Variants in NKIRAS1 observed in about 807,000 individuals in gnomAD.
NKIRAS1 encodes NF-kappa-B inhibitor-interacting Ras-like protein 1.
A neutral mutation model predicts 19.8 loss-of-function variants in NKIRAS1; 16 were observed. The observed-to-expected ratio is 0.81, with a 90% CI of 0.55 to 1.23. The LOEUF (loss-of-function observed/expected upper bound fraction) is 1.23. Among genes scored for constraint, NKIRAS1 ranks in the 50% most tolerant of loss-of-function variants. The probability of loss-of-function intolerance (pLI) is 0.00; values close to 1 mark genes in which losing one functional copy is unlikely to be tolerated. For missense variants in NKIRAS1, 184 were observed against 220.0 expected (o/e 0.84, Z 1.04); for synonymous variants, 88 against 79.0 (o/e 1.11, Z -0.61).
intron 1 of NKIRAS1, among the ~76,000 whole-genome samples, chr3:23,912,406 A>G (rs572316589): frequency 5.9e-4 from 90 of 152,348 alleles, no homozygotes; most frequent in African/African-American, 2.1e-3. Flanking sequence ...TTCTCAAAAG[A>G]AGACATTTAT....
At chr3:23,902,433 G>A (rs1467676937) in intron 3 of NKIRAS1, among the ~76,000 whole-genome samples, 2 of 152,176 alleles carry the variant, frequency 1.3e-5, no homozygotes, top group Non-Finnish European at 2.9e-5. Flanking sequence ...ATCTGATTAT[G>A]TATATACCTG....
intron 1 of NKIRAS1, among the ~76,000 whole-genome samples, chr3:23,932,688 CAAAAAAA>C (rs5847261): frequency 1.4e-5 from 1 of 72,930 alleles, no homozygotes. Context: ...AATTCCGTCT[CAAAAAAA>C]AAAAAAAAAA....
At chr3:23,918,286 A>T (rs1185009875), upstream of NKIRAS1, 3 of 980,160 alleles carry the variant, frequency 3.1e-6, no homozygotes, top group African/African-American at 5.0e-5. Flanking sequence ...CCTAAGGTGC[A>T]TTGAAAAAGA....
At chr3:23,896,790 A>G (rs1702040090) in intron 4 of NKIRAS1, among the ~76,000 whole-genome samples, 1 of 151,812 alleles carries the variant, frequency 6.6e-6, no homozygotes, top group African/African-American at 2.4e-5. Flanking sequence ...CCTGAACAAC[A>G]TAACAACACC....
chr3:23,945,281 T>C, intron 1 of NKIRAS1: 1 of 153,964 alleles, frequency 6.5e-6, no homozygotes, highest in Non-Finnish European at 1.4e-5. Context: ...GCGGCTGCCC[T>C]CCCCGTCAGC....
intron 3 of NKIRAS1, among the ~76,000 whole-genome samples, chr3:23,902,605 A>G (rs973856339): frequency 6.6e-6 from 1 of 152,060 alleles, no homozygotes; most frequent in Non-Finnish European, 1.5e-5. Flanking sequence ...CGGTTAGCCC[A>G]CCTCCACCTG....
chr3:23,904,937 G>A (rs1224332174), intron 3 of NKIRAS1, among the ~76,000 whole-genome samples: 9 of 152,114 alleles, frequency 5.9e-5, no homozygotes, highest in African/African-American at 4.8e-5. Context: ...TCATGCAATA[G>A]AATGTTACAT....
intron 1 of NKIRAS1, among the ~76,000 whole-genome samples, chr3:23,944,960 G>T (rs1023199465): frequency 6.6e-6 from 1 of 152,072 alleles, no homozygotes; most frequent in Non-Finnish European, 1.5e-5. Flanking sequence ...CCAGGTTGGG[G>T]GGCAGGGCGT....
intron 1 of NKIRAS1, among the ~76,000 whole-genome samples, chr3:23,941,891 C>A (rs1705504759): frequency 6.6e-6 from 1 of 152,182 alleles, no homozygotes; most frequent in Non-Finnish European, 1.5e-5. Context: ...TTTGCAATGG[C>A]TATTTTTCAC....
Position 23,940,168 on chromosome 3 carries a change from CAAAAAAAA to C in NKIRAS1, c.-140+6147_-140+6154del, listed in dbSNP as rs1293108063. Reference sequence around the variant, plus strand: ...AACACAGGAAGACTCCCATCTCTACCAAAAAAAAAAAAAAAAAAAAAAAGAGAAATTAC... The same window carrying C: ...AACACAGGAAGACTCCCATCTCTACCAAAAAAAAAAAAAAAGAGAAATTAC... On this transcript the variant is annotated intron_variant, in intron 1 of 4. Coordinates refer to the NKIRAS1 transcript ENST00000421515. Among the ~76,000 whole-genome samples, 224 of 71,762 alleles carry C rather than the reference CAAAAAAAA, an allele frequency of 3.1e-3. 1 individual carries two copies. Among genetic ancestry groups the C allele is most frequent in the African/African-American group, 0.01 (204 of 20,098 alleles). 47.1% of individuals were successfully genotyped at this position (71,762 alleles called of 152,430 possible).
At chr3:23,937,867 G>A (rs770111061) in intron 1 of NKIRAS1, among the ~76,000 whole-genome samples, 2 of 151,440 alleles carry the variant, frequency 1.3e-5, no homozygotes, top group Non-Finnish European at 2.9e-5. Flanking sequence ...ATACATTATC[G>A]TGTAGACTGC....
intron 1 of NKIRAS1, among the ~76,000 whole-genome samples, chr3:23,937,782 A>AT (rs1269742624): frequency 2.0e-5 from 3 of 152,234 alleles, no homozygotes; most frequent in South Asian, 4.1e-4. Context: ...GTGGCATTAG[A>AT]TATTTTTTCC....
Position 23,926,586 on chromosome 3 carries a change from T to C in NKIRAS1, c.-139-15136A>G, listed in dbSNP as rs953818862. On this transcript the variant is annotated intron_variant, in intron 1 of 4. Transcript: ENST00000421515. The surrounding 1 kb of genome is among the most constrained non-coding windows in gnomAD (Gnocchi z 4.3). The stretch of plus-strand genomic sequence containing the variant: ...TCTAGTTTTACCGTAAAAAGTTTGA[T>C]GTATAGATTTCATATGAGAATAGTA... 2.0e-5 allele frequency among the ~76,000 whole-genome samples: 3 copies of C among 152,168 alleles called. No homozygotes were observed. The highest frequency in any genetic ancestry group is 7.2e-5 in the African/African-American group (3 of 41,430).
chr3:23,890,204 A>G lies in NKIRAS1; in HGVS notation c.*2891T>C, dbSNP rs149147301. 2.0e-4 allele frequency among the ~76,000 whole-genome samples: 31 copies of G among 152,246 alleles called. No individual in the cohort carries two copies. Among genetic ancestry groups the G allele is most frequent in the Admixed American group, 5.9e-4 (9 of 15,294 alleles). On this transcript the variant is annotated 3_prime_UTR_variant, in exon 5 of 5. Transcript: ENST00000425478. ...TGAAGCCTTGACCGTTCCAGTCTCT[A>G]CTGAACTCAGCCTAACACATAAGAG...
rs34927065 is a variant in NKIRAS1, at chr3:23,893,911, G to A, written c.337-574C>T. Among the ~76,000 whole-genome samples, 1,025 of 151,780 alleles carry A rather than the reference G, an allele frequency of 6.8e-3. 11 individuals are homozygous for A. The highest frequency in any genetic ancestry group is 0.023 in the African/African-American group (965 of 41,378). On this transcript the variant is annotated intron_variant, in intron 4 of 4. Transcript: ENST00000425478. ...ATGGACTTGGGAAATTGGCATCTAG[G>A]ATACAGACTGGTTTCAATGAGTCTG...
At chr3:23,929,439 A>G (rs1705268357) in intron 1 of NKIRAS1, among the ~76,000 whole-genome samples, 1 of 151,948 alleles carries the variant, frequency 6.6e-6, no homozygotes, top group South Asian at 2.1e-4. Context: ...TTATTTATTT[A>G]TTTTTGAGAC....
At chr3:23,936,051 C>G (rs112191907) in intron 1 of NKIRAS1, among the ~76,000 whole-genome samples, 8 of 136,298 alleles carry the variant, frequency 5.9e-5, no homozygotes, top group Non-Finnish European at 1.2e-4. Flanking sequence ...CCACTGCACT[C>G]TAGCCTGGGC....
At chr3:23,894,214 G>C (rs1002839143) in intron 4 of NKIRAS1, among the ~76,000 whole-genome samples, 1 of 152,186 alleles carries the variant, frequency 6.6e-6, no homozygotes, top group Non-Finnish European at 1.5e-5. Context: ...GAGGAGAAGA[G>C]ACCCCAAACC....
At chr3:23,899,148 G>C (rs1391878879) in intron 4 of NKIRAS1, among the ~76,000 whole-genome samples, 5 of 152,208 alleles carry the variant, frequency 3.3e-5, no homozygotes, top group Non-Finnish European at 7.3e-5. Context: ...GATCAGATGA[G>C]TGGTTACCAA....
Sources: allele counts gnomAD v4.1 joint callset (sites outside exome capture counted in the v4.1 genomes callset), GRCh38; gene constraint gnomAD v4.1.1; non-coding constraint Gnocchi (gnomAD v3.1); transcripts MANE v1.5; gene names NCBI Gene and HGNC (gene_info 2026-07-23, HGNC 2026-07-21).